Variants in ANXA10 observed in about 807,000 individuals in gnomAD.
ANXA10 encodes annexin 14.
In ANXA10, 49 loss-of-function variants were observed where a neutral mutation model predicts 53.5. That is an observed-to-expected ratio of 0.92 (90% CI 0.73 to 1.16). The LOEUF is 1.16. Among genes scored for constraint, ANXA10 ranks in the 50% most tolerant of loss-of-function variants. The pLI is 0.00. For synonymous variants in ANXA10, 131 were observed against 128.9 expected (o/e 1.02, Z -0.11); for missense variants, 393 against 394.4 (o/e 1.00, Z 0.03).
chr4:168,147,869 T>A (rs569275129), intron 3 of ANXA10, among the ~76,000 whole-genome samples: 1 of 152,268 alleles, frequency 6.6e-6, no homozygotes, highest in Middle Eastern at 3.4e-3. Flanking sequence ...ACTTTTTTCC[T>A]GAAAGCAGTA....
Position 168,184,650 on chromosome 4 carries a change from G to A in ANXA10, c.875G>A (p.Arg292Gln), listed in dbSNP as rs200407221. 9.9e-6 allele frequency: 16 copies of A among 1,613,932 alleles called. No individual in the cohort carries two copies. Among genetic ancestry groups the A allele is most frequent in the African/African-American group, 4.0e-5 (3 of 74,920 alleles). ...ACCATAAGGAAACGATACAAAGAGC[G>A]ATATGGAAAATCCCTATTTCATGAT... The part of the protein sequence containing the change: ...LLTIRKRYKE[R>Q]YGKSLFHDIR... Residue 292 changes from arginine (R) to glutamine (Q), a missense_variant, in exon 11 of 12, where the codon CGA becomes CAA. Coordinates refer to ENST00000359299, the MANE Select transcript of ANXA10 (RefSeq NM_007193.5).
intron 1 of ANXA10, among the ~76,000 whole-genome samples, chr4:168,122,633 A>G (rs1037397109): frequency 1.3e-5 from 2 of 152,216 alleles, no homozygotes; most frequent in African/African-American, 4.8e-5. Context: ...GGGAAGCCTC[A>G]GGAAGCATTT....
At chr4:168,111,184 C>G (rs1194692650) in intron 1 of ANXA10, among the ~76,000 whole-genome samples, 1 of 152,134 alleles carries the variant, frequency 6.6e-6, no homozygotes, top group African/African-American at 2.4e-5. Context: ...AATAAATCTA[C>G]AGAATTCAGT....
chr4:168,156,147 AATATATATTATATATT>A (rs1731658002), intron 3 of ANXA10, among the ~76,000 whole-genome samples: 1 of 25,082 alleles, frequency 4.0e-5, no homozygotes, highest in African/African-American at 2.2e-4. Context: ...ATATAAAAAT[AATATATATTATATATT>A]ATATATATTA....
rs1732197471 is a variant in ANXA10, at chr4:168,179,458, A to C, written c.724+146A>C. ...AATTTTTTAAAAGGACATTAACTCCATAGGGGAAGAGTACATCAGCTACTG... is the reference window on the plus strand; with the variant it reads ...AATTTTTTAAAAGGACATTAACTCCCTAGGGGAAGAGTACATCAGCTACTG... On this transcript the variant is annotated intron_variant, in intron 9 of 11. Transcript: ENST00000359299. 3 of 586,622 alleles carry C rather than the reference A, an allele frequency of 5.1e-6. No individual in the cohort carries two copies. In the South Asian group the frequency reaches 6.7e-5, roughly 13 times the overall value. 36.3% of individuals were successfully genotyped at this position (586,622 alleles called of 1,614,324 possible). A position where few individuals can be genotyped will look rare whatever the true frequency, so the allele number is the denominator to read the frequency against.
At chr4:168,136,938 CA>C (rs34488372) in intron 2 of ANXA10, among the ~76,000 whole-genome samples, 1 of 152,194 alleles carries the variant, frequency 6.6e-6, no homozygotes, top group African/African-American at 2.4e-5. Flanking sequence ...GCAAAGGCTC[CA>C]AAACCTCAAC....
rs1731676546 is a variant in ANXA10, at chr4:168,156,310, G to GTATATATTATATTATAT, written c.196-6211_196-6210insTATATTATATTATATAT. The stretch of plus-strand genomic sequence containing the variant: ...ATATTATATTATATTATATATAATA[G>GTATATATTATATTATAT]TATATATAATATATAATATATTATA... On this transcript the variant is annotated intron_variant, in intron 3 of 11. Transcript: ENST00000359299. Among the ~76,000 whole-genome samples the GTATATATTATATTATAT allele has an allele frequency of 1.9e-4, 3 of 16,048 alleles. No individual in the cohort carries two copies. In the South Asian group the frequency reaches 4.9e-3, roughly 26 times the overall value. 10.5% of individuals were successfully genotyped at this position (16,048 alleles called of 152,430 possible).
intron 3 of ANXA10, among the ~76,000 whole-genome samples, chr4:168,159,725 C>T (rs1437219323): frequency 6.6e-6 from 1 of 152,140 alleles, no homozygotes; most frequent in African/African-American, 2.4e-5. Context: ...TATACATACA[C>T]ATAACTCTTA....
At chr4:168,151,641 T>C (rs1330934715) in intron 3 of ANXA10, among the ~76,000 whole-genome samples, 1 of 152,154 alleles carries the variant, frequency 6.6e-6, no homozygotes, top group African/African-American at 2.4e-5. Context: ...TGTATATATA[T>C]ATAAATCCTA....
chr4:168,155,346 T>A, intron 3 of ANXA10, among the ~76,000 whole-genome samples: 1 of 121,160 alleles, frequency 8.3e-6, no homozygotes, highest in East Asian at 2.4e-4. Flanking sequence ...TTATATATAA[T>A]ATATTATATA....
chr4:168,146,045 A>C (rs1179307024), intron 3 of ANXA10, among the ~76,000 whole-genome samples: 1 of 151,816 alleles, frequency 6.6e-6, no homozygotes, highest in Non-Finnish European at 1.5e-5. Context: ...AGTAGCTGGG[A>C]TTACAGGTGC....
At chr4:168,178,031 C>A (rs1347143478) in intron 8 of ANXA10, 48 bp downstream of exon 8, 4 of 1,541,116 alleles carry the variant, frequency 2.6e-6, no homozygotes, top group Admixed American at 1.7e-5. Context: ...AATTATATAA[C>A]AAAAAGAAGG....
Position 168,162,552 on chromosome 4 carries a change from C to T in ANXA10, c.220C>T (p.Gln74Ter). The change falls in exon 4 of 12, where the codon CAG (glutamine) becomes TAG (stop). Residue 74 changes from glutamine to a stop codon, truncating the protein, a stop_gained. Coordinates refer to ENST00000359299, the MANE Select transcript of ANXA10 (RefSeq NM_007193.5). LOFTEE classifies it high-confidence loss of function. ...GRDLIGDMRE[Q>*]LSDHFKDVMA... Reference sequence around the variant, plus strand: ...GGACCTGATTGGGGATATGAGGGAGCAGCTTTCGGATCACTTCAAAGATGT... The same window carrying T: ...GGACCTGATTGGGGATATGAGGGAGTAGCTTTCGGATCACTTCAAAGATGT... The T allele has an allele frequency of 6.2e-7, 1 of 1,613,768 alleles. No individual in the cohort carries two copies. The highest frequency in any genetic ancestry group is 8.5e-7 in the Non-Finnish European group (1 of 1,179,786).
intron 1 of ANXA10, among the ~76,000 whole-genome samples, chr4:168,125,658 C>G (rs1274592738): frequency 6.6e-6 from 1 of 152,104 alleles, no homozygotes; most frequent in Non-Finnish European, 1.5e-5. Flanking sequence ...TTCAACTTCA[C>G]GTGCAAAACA....
At chr4:168,141,997 G>A (rs1186015982) in intron 3 of ANXA10, among the ~76,000 whole-genome samples, 1 of 152,044 alleles carries the variant, frequency 6.6e-6, no homozygotes, top group Non-Finnish European at 1.5e-5. Context: ...ACCCCAGTAA[G>A]GTCGTACAGC....
Position 168,187,544 on chromosome 4 carries a change from A to AT in ANXA10, c.*111dup. 2 of 587,002 alleles carry AT rather than the reference A, an allele frequency of 3.4e-6. No individual in the cohort carries two copies. Among genetic ancestry groups the AT allele is most frequent in the Non-Finnish European group, 5.6e-6 (2 of 358,772 alleles). 36.4% of individuals were successfully genotyped at this position (587,002 alleles called of 1,614,324 possible). A position where few individuals can be genotyped will look rare whatever the true frequency, so the allele number is the denominator to read the frequency against. The stretch of plus-strand genomic sequence containing the variant: ...GCACTATTAACAAAACTATACAATC[A>AT]TATTTTCTCTTCTATCTTTGAAATT... On this transcript the variant is annotated 3_prime_UTR_variant, in exon 12 of 12. Coordinates refer to ENST00000359299, the MANE Select transcript of ANXA10 (RefSeq NM_007193.5).
At chr4:168,171,836 T>C (rs1475594735) in intron 6 of ANXA10, among the ~76,000 whole-genome samples, 2 of 152,180 alleles carry the variant, frequency 1.3e-5, no homozygotes, top group Non-Finnish European at 2.9e-5. Context: ...TTAATCAATA[T>C]GTGCAAATCA....
chr4:168,130,143 C>A (rs1731134832), intron 2 of ANXA10, among the ~76,000 whole-genome samples: 1 of 152,120 alleles, frequency 6.6e-6, no homozygotes, highest in South Asian at 2.1e-4. Context: ...AGGAAGTTCC[C>A]CTCTATTCTT....
intron 2 of ANXA10, among the ~76,000 whole-genome samples, chr4:168,139,236 T>C (rs1235407661): frequency 6.6e-6 from 1 of 152,208 alleles, no homozygotes; most frequent in African/African-American, 2.4e-5. Context: ...TTGTCATATA[T>C]GGCTTTTATT....
Sources: gnomAD v4.1 joint callset for allele counts (sites outside exome capture counted in the v4.1 genomes callset) on GRCh38, gnomAD v4.1.1 for gene constraint, MANE v1.5 for transcripts, NCBI Gene and HGNC (gene_info 2026-07-23, HGNC 2026-07-21) for gene names.